LDB1: variants seen among roughly 807,000 people sequenced by gnomAD.
LDB1 encodes LIM domain-binding protein 1.
LDB1 carries 6 observed loss-of-function variants against 49.7 expected under a neutral mutation model. The ratio of observed to expected loss-of-function variants is 0.12; its 90% CI spans 0.07 to 0.24. The LOEUF (loss-of-function observed/expected upper bound fraction) is 0.24, where lower values mean the gene tolerates loss of function less well. Among genes scored for constraint, LDB1 ranks in the 10% least tolerant of loss-of-function variants. The probability of loss-of-function intolerance (pLI) is 1.00; values close to 1 mark genes in which losing one functional copy is unlikely to be tolerated. For synonymous variants in LDB1, 233 were observed against 202.0 expected (o/e 1.15, Z -1.30); for missense variants, 341 against 561.7 (o/e 0.61, Z 3.97).
chr10:102,108,381 C>T (rs1297286238), intron 10 of LDB1, 58 bp from the exon 11 acceptor site: 9 of 1,387,762 alleles, frequency 6.5e-6, no homozygotes, highest in Middle Eastern at 2.1e-4. Flanking sequence ...CGGCCCAGGG[C>T]GGCAGATACC....
chr10:102,120,527 A>C, upstream of LDB1: 2 of 292,112 alleles, frequency 6.8e-6, no homozygotes, highest in Non-Finnish European at 1.0e-5. Flanking sequence ...TAATATGCTA[A>C]TTGTCCTGCT....
intron 5 of LDB1, 57 bp downstream of exon 5, chr10:102,110,812 C>G (rs2068241421): frequency 1.3e-6 from 2 of 1,584,574 alleles, no homozygotes; most frequent in Middle Eastern, 1.7e-4. Context: ...CACTTCTAGA[C>G]CTTAGAACGA....
upstream of LDB1, among the ~76,000 whole-genome samples, chr10:102,120,987 C>T (rs1326237304): frequency 6.6e-6 from 1 of 152,208 alleles, no homozygotes; most frequent in Non-Finnish European, 1.5e-5. Context: ...AAGAAGCATT[C>T]TCTTAATTCT....
Position 102,109,165 on chromosome 10 carries a change from C to G in LDB1, c.869G>C (p.Arg290Pro). Reference sequence around the variant, plus strand: ...TTTCCGCCGTTTGCTGGGCTGCTGACGTGTGGGCTCCGCTGTGCCGGTAAA... The same window carrying G: ...TTTCCGCCGTTTGCTGGGCTGCTGAGGTGTGGGCTCCGCTGTGCCGGTAAA... ...RMVAPPAEPT[R>P]QQPSKRRKRK... Residue 290 changes from arginine (R) to proline (P), a missense_variant, in exon 10 of 11, where the codon CGT (arginine) becomes CCT (proline). Physicochemically the swap from Arg to Pro is moderately radical, Grantham distance 103. Coordinates refer to ENST00000673968, the MANE Select transcript of LDB1 (RefSeq NM_001113407.3). The surrounding 1 kb of genome is among the most constrained non-coding windows in gnomAD (Gnocchi z 5.8). 1 of 1,613,718 alleles carries G rather than the reference C, an allele frequency of 6.2e-7. No individual in the cohort carries two copies. Among genetic ancestry groups the G allele is most frequent in the East Asian group, 2.2e-5 (1 of 44,892 alleles).
At chr10:102,114,846 T>C (rs1420654347) in intron 1 of LDB1, 8 of 669,440 alleles carry the variant, frequency 1.2e-5, no homozygotes, top group African/African-American at 6.6e-5. Flanking sequence ...CGGGCCCCTC[T>C]GCTGGGGGCA....
chr10:102,105,235 C>G (rs2068146595), downstream of LDB1, among the ~76,000 whole-genome samples: 1 of 152,106 alleles, frequency 6.6e-6, no homozygotes, highest in Non-Finnish European at 1.5e-5. Context: ...GTCCTTCAGG[C>G]TGGCCAGATC....
chr10:102,105,819 A>T (rs2068153689), downstream of LDB1, among the ~76,000 whole-genome samples: 2 of 150,476 alleles, frequency 1.3e-5, no homozygotes, highest in Admixed American at 1.3e-4. Flanking sequence ...AAAAAAAAAA[A>T]TACAAAAATT....
In LDB1 at chr10:102,107,926, G is replaced by A. The variant is rs1486103298; in HGVS notation, c.*167C>T. 3.0e-6 allele frequency: 2 copies of A among 671,068 alleles called. No homozygotes were observed. Among genetic ancestry groups the A allele is most frequent in the Admixed American group, 2.5e-5 (1 of 39,314 alleles). 41.6% of individuals were successfully genotyped at this position (671,068 alleles called of 1,614,324 possible). ...CCAGGCCCAGCCCAGGGCCACTGGG[G>A]GGGCAAATCTTGGCACCTGCCCCCA... On this transcript the variant is annotated 3_prime_UTR_variant, in exon 11 of 11. Transcript: ENST00000673968.
Position 102,109,830 on chromosome 10 carries a change from T to C in LDB1, c.648+91A>G. The C allele has an allele frequency of 6.4e-7, 1 of 1,573,984 alleles. No homozygotes were observed. Among genetic ancestry groups the C allele is most frequent in the Non-Finnish European group, 8.7e-7 (1 of 1,154,154 alleles). On this transcript the variant is annotated intron_variant, in intron 7 of 10. Transcript: ENST00000673968. This position sits in a 1 kb window ranked among gnomAD's most constrained non-coding sequence, Gnocchi z 5.8. ...CAGATGAAGAAACCCTAACCCTCTG[T>C]CTAAGTAGTCAGTCGGGAAATGGCA...
At chr10:102,103,146 C>T (rs1330040167), downstream of LDB1, among the ~76,000 whole-genome samples, 3 of 152,110 alleles carry the variant, frequency 2.0e-5, no homozygotes, top group African/African-American at 7.2e-5. Flanking sequence ...TCTCATGCCT[C>T]GGCCTCCCGA....
In LDB1 at chr10:102,109,451, G is replaced by A; in HGVS notation, c.789C>T (p.Ser263=). ...QELMSRHKTY[S]LSPRDCLKTC... is the part of the protein sequence containing the mutation. ...TCTTGAGGCAGTCGCGGGGGCTGAG[G>A]CTGTAGGTCTTGTGGCGTGACATGA... The change falls in exon 9 of 11, where the codon AGC becomes AGT. Residue 263 remains serine, a synonymous_variant. Coordinates refer to ENST00000673968, the MANE Select transcript of LDB1 (RefSeq NM_001113407.3). The surrounding 1 kb of genome is among the most constrained non-coding windows in gnomAD (Gnocchi z 5.8). The A allele has an allele frequency of 6.2e-7, 1 of 1,614,198 alleles. No homozygotes were observed. Among genetic ancestry groups the A allele is most frequent in the African/African-American group, 1.3e-5 (1 of 75,056 alleles).
Position 102,111,294 on chromosome 10 carries a change from A to T in LDB1, c.135T>A (p.Thr45=). Reference sequence around the variant, plus strand: ...CCAGGTATGTAGGCGGATACATGGGAGTTGGGCTGTGTAAAGGAAGAGGCT... The same window carrying T: ...CCAGGTATGTAGGCGGATACATGGGTGTTGGGCTGTGTAAAGGAAGAGGCT... ...GTMLDRDVGP[T]PMYPPTYLEP... The change falls in exon 3 of 11, where the codon ACT becomes ACA. Residue 45 remains threonine (T), a synonymous_variant. Transcript: ENST00000673968. 1 of 1,613,860 alleles carries T rather than the reference A, an allele frequency of 6.2e-7. No individual in the cohort carries two copies. The highest frequency in any genetic ancestry group is 2.2e-5 in the East Asian group (1 of 44,864).
chr10:102,103,789 C>G (rs572429952), downstream of LDB1, among the ~76,000 whole-genome samples: 3 of 150,108 alleles, frequency 2.0e-5, no homozygotes, highest in Admixed American at 6.6e-5. Flanking sequence ...ACTCCAGCCT[C>G]GTCGACAGAA....
intron 1 of LDB1, among the ~76,000 whole-genome samples, chr10:102,115,836 C>T (rs540207106): frequency 6.6e-6 from 1 of 152,074 alleles, no homozygotes; most frequent in South Asian, 2.1e-4. Context: ...TTTGTTGTAG[C>T]AGGAGGGAAT....
At chr10:102,112,069 G>A (rs756078356) in intron 1 of LDB1, among the ~76,000 whole-genome samples, 40 of 152,142 alleles carry the variant, frequency 2.6e-4, no homozygotes, top group Non-Finnish European at 4.1e-4. Flanking sequence ...TAATCCCAGC[G>A]CATACCCAAG....
At chr10:102,119,568 T>C (rs748709935) in intron 1 of LDB1, among the ~76,000 whole-genome samples, 1 of 151,868 alleles carries the variant, frequency 6.6e-6, no homozygotes, top group African/African-American at 2.4e-5. Context: ...CAACCTTCCC[T>C]GGCAACAGGC....
At position 102,117,734 on chromosome 10, in the gene LDB1, G is replaced by C. The variant is rs1191726719; in HGVS notation, c.25+2352C>G. Reference sequence around the variant, plus strand: ...TCTGAGCCACATGCTGCCCCAGACAGGCCCTGGCCCCCTCAGCCTCTTGCT... The same window carrying C: ...TCTGAGCCACATGCTGCCCCAGACACGCCCTGGCCCCCTCAGCCTCTTGCT... On this transcript the variant is annotated intron_variant, in intron 1 of 10. Coordinates refer to ENST00000673968, the MANE Select transcript of LDB1 (RefSeq NM_001113407.3). This position sits in a 1 kb window ranked among gnomAD's most constrained non-coding sequence, Gnocchi z 4.2. Among the ~76,000 whole-genome samples the C allele has an allele frequency of 6.6e-6, 1 of 152,176 alleles. No individual in the cohort carries two copies. Among genetic ancestry groups the C allele is most frequent in the Admixed American group, 6.5e-5 (1 of 15,280 alleles).
downstream of LDB1, among the ~76,000 whole-genome samples, chr10:102,105,596 T>C (rs1330232541): frequency 1.3e-5 from 2 of 151,832 alleles, no homozygotes; most frequent in African/African-American, 4.8e-5. Context: ...CTTCCCAGTC[T>C]GGAGAGTAGC....
At chr10:102,114,043 AG>A (rs2068295265) in intron 1 of LDB1, among the ~76,000 whole-genome samples, 1 of 152,238 alleles carries the variant, frequency 6.6e-6, no homozygotes, top group African/African-American at 2.4e-5. Context: ...AGAGGCAGCA[AG>A]GTGGGGGGAC....
Sources: gnomAD v4.1 joint callset for allele counts (sites outside exome capture counted in the v4.1 genomes callset) on GRCh38, gnomAD v4.1.1 for gene constraint, Gnocchi (gnomAD v3.1) non-coding constraint, MANE v1.5 for transcripts, NCBI Gene and HGNC (gene_info 2026-07-23, HGNC 2026-07-21) for gene names.